The following RIC3 variants were observed in gnomAD, a reference collection of about 807,000 sequenced individuals.
RIC3 encodes the protein protein RIC-3.
RIC3 carries 28 observed loss-of-function variants against 27.3 expected under a neutral mutation model. The ratio of observed to expected loss-of-function variants is 1.02; its 90% CI spans 0.76 to 1.41. The LOEUF (loss-of-function observed/expected upper bound fraction) is 1.41, where lower values mean the gene tolerates loss of function less well. Ranked by LOEUF, RIC3 falls within the 40% of genes most tolerant of loss-of-function variation. The pLI, the probability that RIC3 is intolerant of heterozygous loss-of-function variation, is 0.00. For synonymous variants in RIC3, 184 were observed against 160.4 expected (o/e 1.15, Z -1.11); for missense variants, 501 against 444.7 (o/e 1.13, Z -1.14).
At chr11:8,152,973 TC>T (rs1950368116) in intron 1 of RIC3, among the ~76,000 whole-genome samples, 1 of 152,030 alleles carries the variant, frequency 6.6e-6, no homozygotes, top group African/African-American at 2.4e-5. Flanking sequence ...AAATAGGGTT[TC>T]AAAAAGCAAT....
intron 4 of RIC3, among the ~76,000 whole-genome samples, chr11:8,130,335 T>C (rs1166406102): frequency 6.6e-6 from 1 of 152,210 alleles, no homozygotes; most frequent in Non-Finnish European, 1.5e-5. Context: ...ACTTTTGACA[T>C]TAAATTCATC....
At chr11:8,119,832 C>T (rs1271645569) in intron 5 of RIC3, among the ~76,000 whole-genome samples, 1 of 152,028 alleles carries the variant, frequency 6.6e-6, no homozygotes, top group Non-Finnish European at 1.5e-5. Flanking sequence ...CTACAAAAAA[C>T]TCAAATTTAT....
intron 5 of RIC3, among the ~76,000 whole-genome samples, chr11:8,120,047 C>T (rs1379718721): frequency 6.6e-6 from 1 of 152,126 alleles, no homozygotes; most frequent in Non-Finnish European, 1.5e-5. Flanking sequence ...ATAACAGATG[C>T]TAGAGAGGAT....
intron 1 of RIC3, among the ~76,000 whole-genome samples, chr11:8,164,459 C>T (rs1951486634): frequency 2.0e-5 from 3 of 151,964 alleles, no homozygotes; most frequent in Admixed American, 1.3e-4. Flanking sequence ...CTAGAATATA[C>T]AAAGAACTCT....
Position 8,128,976 on chromosome 11 carries a change from A to G in RIC3, c.522-2169T>C, listed in dbSNP as rs371144104. On this transcript the variant is annotated intron_variant, in intron 4 of 5. Coordinates refer to ENST00000309737, the MANE Select transcript of RIC3 (RefSeq NM_001206671.4). ...TCACCGTGTTAGCCAGGATGGTCTC[A>G]ATCTCCTGACCTCGTGATCCGCCCG... Among the ~76,000 whole-genome samples the G allele has an allele frequency of 6.7e-3, 1,021 of 151,784 alleles. 22 individuals carry two copies. The highest frequency in any genetic ancestry group is 0.051 in the Admixed American group (775 of 15,222).
chr11:8,151,885 C>T (rs1368223532), intron 1 of RIC3, among the ~76,000 whole-genome samples: 3 of 149,550 alleles, frequency 2.0e-5, no homozygotes, highest in Admixed American at 1.3e-4. Context: ...CACTGCACTC[C>T]AGCCTGGGGG....
chr11:8,136,053 A>G (rs769658087), intron 4 of RIC3, among the ~76,000 whole-genome samples: 1 of 152,156 alleles, frequency 6.6e-6, no homozygotes, highest in Non-Finnish European at 1.5e-5. Flanking sequence ...AACATTCCAG[A>G]TAGTAACTCT....
intron 4 of RIC3, chr11:8,135,889 A>G (rs1948341688): frequency 6.6e-6 from 1 of 152,204 alleles, no homozygotes; most frequent in Non-Finnish European, 1.5e-5. Context: ...TAATTGCACA[A>G]ATTGGTTTAG....
chr11:8,098,184 G>A, the RIC3 span, among the ~76,000 whole-genome samples: 2 of 151,960 alleles, frequency 1.3e-5, no homozygotes, highest in African/African-American at 2.4e-5. Flanking sequence ...CTTGAGGGAA[G>A]AGACACACAG....
At chr11:8,103,951 A>G (rs749262409), downstream of RIC3, 2 of 152,214 alleles carry the variant, frequency 1.3e-5, no homozygotes, top group Non-Finnish European at 2.9e-5. Flanking sequence ...GGAGTCAGGA[A>G]AGACAGGCTG....
intron 1 of RIC3, among the ~76,000 whole-genome samples, chr11:8,154,386 T>C (rs944731207): frequency 6.6e-6 from 1 of 152,224 alleles, no homozygotes; most frequent in African/African-American, 2.4e-5. Flanking sequence ...ATATTGTGTA[T>C]AGGCAGTGGT....
chr11:8,143,850 A>C (rs1242475393), intron 1 of RIC3, among the ~76,000 whole-genome samples: 3 of 152,194 alleles, frequency 2.0e-5, no homozygotes, highest in Non-Finnish European at 2.9e-5. Flanking sequence ...AATGGAACAG[A>C]ACAGAGCCCT....
chr11:8,097,637 GTC>G, the RIC3 span: 2 of 1,376,480 alleles, frequency 1.5e-6, no homozygotes, highest in Non-Finnish European at 2.0e-6. Flanking sequence ...AACGGAGAGA[GTC>G]TGTGTGAGTG....
intron 5 of RIC3, among the ~76,000 whole-genome samples, chr11:8,123,902 T>A (rs987162574): frequency 3.3e-5 from 5 of 150,238 alleles, no homozygotes; most frequent in Admixed American, 2.0e-4. Flanking sequence ...TTTTTAAATT[T>A]AAAAAATTGA....
chr11:8,100,731 A>G, the RIC3 span: 2 of 1,570,448 alleles, frequency 1.3e-6, no homozygotes, highest in Non-Finnish European at 1.7e-6. Flanking sequence ...AGGTCTAGGG[A>G]AATCCAAGGA....
chr11:8,136,499 C>T (rs189098803), intron 4 of RIC3, among the ~76,000 whole-genome samples: 88 of 152,320 alleles, frequency 5.8e-4, no homozygotes, highest in African/African-American at 1.9e-3. Flanking sequence ...TCTATATCCA[C>T]GTTTTCTTGG....
the RIC3 span, chr11:8,100,715 C>T: frequency 4.5e-6 from 7 of 1,544,590 alleles, no homozygotes; most frequent in Non-Finnish European, 6.2e-6. Context: ...TGTGAGAAAG[C>T]CCTGGAGGTC....
intron 1 of RIC3, among the ~76,000 whole-genome samples, chr11:8,168,640 C>T (rs1216902060): frequency 2.0e-5 from 3 of 152,234 alleles, no homozygotes; most frequent in African/African-American, 7.2e-5. Flanking sequence ...GACCTGCATG[C>T]ATACGTTCCT....
rs569222915 is a variant in RIC3, at chr11:8,144,025, A to C, written c.125-3832T>G. On this transcript the variant is annotated intron_variant, in intron 1 of 5. Coordinates refer to ENST00000309737, the MANE Select transcript of RIC3 (RefSeq NM_001206671.4). ...CTTCCTTACACCTTATACAAAAATCAATTCAAGATGGATTAAAGCCTTAAA... is the reference window on the plus strand; with the variant it reads ...CTTCCTTACACCTTATACAAAAATCCATTCAAGATGGATTAAAGCCTTAAA... Among the ~76,000 whole-genome samples, 965 of 152,314 alleles carry C rather than the reference A, an allele frequency of 6.3e-3. 19 individuals are homozygous for C. The highest frequency in any genetic ancestry group is 0.05 in the Admixed American group (771 of 15,272).
Sources: allele counts gnomAD v4.1 joint callset (sites outside exome capture counted in the v4.1 genomes callset), GRCh38; gene constraint gnomAD v4.1.1; transcripts MANE v1.5; gene names NCBI Gene and HGNC (gene_info 2026-07-23, HGNC 2026-07-21).